CATSPERG: variants seen among roughly 807,000 people sequenced by gnomAD.
The protein encoded by CATSPERG is catsper channel auxiliary subunit gamma.
A neutral mutation model predicts 145.0 loss-of-function variants in CATSPERG; 115 were observed. That is an observed-to-expected ratio of 0.79 (90% CI 0.68 to 0.93). The LOEUF is 0.93. Among genes scored for constraint, CATSPERG ranks in the 40% least tolerant of loss-of-function variants. The pLI is 0.00. For synonymous variants in CATSPERG, 588 were observed against 589.0 expected (o/e 1.00, Z 0.02); for missense variants, 1,296 against 1,490.1 (o/e 0.87, Z 2.14).
rs199515254 is a variant in CATSPERG, at chr19:38,354,821, G to A, written c.1109G>A (p.Gly370Asp). The change falls in exon 9 of 29, where the codon GGT (glycine) becomes GAT (aspartate). Residue 370 changes from glycine (G) to aspartate (D), a missense_variant. Transcript: ENST00000409235. The part of the protein sequence containing the change: ...IMALTTGKHE[G>D]YVHFGTIRDG... ...GCCCTCACCACGGGCAAGCATGAGGGTTATGTACACTTCGGGACCATCAGA... is the reference window on the plus strand; with the variant it reads ...GCCCTCACCACGGGCAAGCATGAGGATTATGTACACTTCGGGACCATCAGA... 17 of 1,614,170 alleles carry A rather than the reference G, an allele frequency of 1.1e-5. No individual in the cohort carries two copies. Among genetic ancestry groups the A allele is most frequent in the East Asian group, 2.2e-5 (1 of 44,888 alleles).
In CATSPERG at chr19:38,344,856, G is replaced by GACACACAC. The variant is rs34101460; in HGVS notation, c.669+508_669+515dup. On this transcript the variant is annotated intron_variant, in intron 6 of 28. Transcript: ENST00000409235. ...ATATGTATATACCTGTACATGAACA[G>GACACACAC]ACACACACACACACACACACACACA... is the stretch of plus-strand genomic sequence containing the variant. 2.8e-3 allele frequency among the ~76,000 whole-genome samples: 261 copies of GACACACAC among 92,252 alleles called. 4 individuals carry two copies. The highest frequency in any genetic ancestry group is 5.0e-3 in the South Asian group (13 of 2,576). 60.5% of individuals were successfully genotyped at this position (92,252 alleles called of 152,430 possible). A position where few individuals can be genotyped will look rare whatever the true frequency, so the allele number is the denominator to read the frequency against.
intron 21 of CATSPERG, 38 bp from the exon 22 acceptor site, chr19:38,365,023 C>T (rs202157388): frequency 1.7e-5 from 28 of 1,613,726 alleles, no homozygotes; most frequent in African/African-American, 1.1e-4. Context: ...AAGCCTGGGC[C>T]GGCGGGGATC....
intron 6 of CATSPERG, 84 bp downstream of exon 6, chr19:38,344,452 C>A: frequency 8.2e-7 from 1 of 1,216,668 alleles, no homozygotes; most frequent in Non-Finnish European, 1.2e-6. Flanking sequence ...GCAGCAGATC[C>A]CATTTAGGGA....
intron 14 of CATSPERG, 165 bp from the exon 15 acceptor site, chr19:38,360,324 G>A (rs772135292): frequency 1.9e-5 from 19 of 985,256 alleles, no homozygotes; most frequent in East Asian, 2.3e-4. Flanking sequence ...AAGTAGAGCC[G>A]TGGCACCACA....
At chr19:38,360,454 C>A in intron 14 of CATSPERG, 35 bp from the exon 15 acceptor site, 1 of 1,612,210 alleles carries the variant, frequency 6.2e-7, no homozygotes, top group African/African-American at 1.3e-5. Flanking sequence ...ACCCCATGGT[C>A]CTGACACACA....
At chr19:38,363,710 T>C (rs1375854580) in intron 20 of CATSPERG, among the ~76,000 whole-genome samples, 2 of 151,888 alleles carry the variant, frequency 1.3e-5, no homozygotes, top group Non-Finnish European at 2.9e-5. Flanking sequence ...ACAAAGCACA[T>C]CTTGCACCGC....
At chr19:38,357,823 G>A (rs527577323) in intron 11 of CATSPERG, among the ~76,000 whole-genome samples, 1 of 152,264 alleles carries the variant, frequency 6.6e-6, no homozygotes, top group African/African-American at 2.4e-5. Flanking sequence ...ATGATGGTGG[G>A]TACCTATAAA....
intron 11 of CATSPERG, among the ~76,000 whole-genome samples, chr19:38,357,142 G>A (rs1231650241): frequency 6.6e-6 from 1 of 152,108 alleles, no homozygotes; most frequent in African/African-American, 2.4e-5. Context: ...CCAACCGAGG[G>A]GTCAGAGGAG....
chr19:38,344,141 G>T, intron 5 of CATSPERG, 22 bp downstream of exon 5: 1 of 1,551,372 alleles, frequency 6.4e-7, no homozygotes, highest in Non-Finnish European at 8.7e-7. Context: ...CAAGACGGGG[G>T]CTGGGGTGGA....
chr19:38,359,865 CCT>C (rs1970313796), intron 14 of CATSPERG: 1 of 1,149,892 alleles, frequency 8.7e-7, no homozygotes, highest in East Asian at 5.6e-5. Flanking sequence ...TTACTGTGTG[CCT>C]GCCCCCGTGC....
intron 11 of CATSPERG, 117 bp downstream of exon 11, chr19:38,356,978 G>C (rs766805044): frequency 3.7e-5 from 49 of 1,326,890 alleles, no homozygotes; most frequent in Non-Finnish European, 4.8e-5. Flanking sequence ...CATTACCTGT[G>C]TCACTCCTGG....
Position 38,358,478 on chromosome 19 carries a change from C to T in CATSPERG, c.1413C>T (p.Thr471=). Residue 471 remains threonine (T), a synonymous_variant, in exon 13 of 29, where the codon ACC becomes ACT. Transcript: ENST00000409235. ...FLMILGTESY[T]STAMAPKGIF... is the part of the protein sequence containing the mutation. ...TGATCCTAGGGACAGAGTCCTACAC[C>T]AGCACTGCAATGGCCCCCAAGGGCA... 2 of 1,614,172 alleles carry T rather than the reference C, an allele frequency of 1.2e-6. No homozygotes were observed. Among genetic ancestry groups the T allele is most frequent in the Non-Finnish European group, 1.7e-6 (2 of 1,180,024 alleles).
In CATSPERG at chr19:38,356,785, G is replaced by A. The variant is rs758552277; in HGVS notation, c.1239G>A (p.Glu413=). The stretch of plus-strand genomic sequence containing the variant: ...TTTGGTCTGAATACATCGCGGGTGA[G>A]TATACTCTACTGCTGCTGGTGGAGA... ...SIIWSEYIAG[E]YTLLLLVESG... Residue 413 remains glutamate (E), a synonymous_variant, in exon 11 of 29, where the codon GAG becomes GAA. Coordinates refer to ENST00000409235, the MANE Select transcript of CATSPERG (RefSeq NM_021185.5). 2 of 1,614,066 alleles carry A rather than the reference G, an allele frequency of 1.2e-6. No homozygotes were observed. The highest frequency in any genetic ancestry group is 4.5e-5 in the East Asian group (2 of 44,896).
chr19:38,367,295 G>A lies in CATSPERG; in HGVS notation c.2753G>A (p.Cys918Tyr). The A allele has an allele frequency of 6.2e-7, 1 of 1,612,516 alleles. No individual in the cohort carries two copies. Among genetic ancestry groups the A allele is most frequent in the Non-Finnish European group, 8.5e-7 (1 of 1,179,840 alleles). The change falls in exon 23 of 29, where the codon TGC (cysteine) becomes TAC (tyrosine). Residue 918 changes from cysteine (C) to tyrosine (Y), a missense_variant. Coordinates refer to ENST00000409235, the MANE Select transcript of CATSPERG (RefSeq NM_021185.5). Reference sequence around the variant, plus strand: ...GTTAACGTGAACCCGGAGATGCCCTGCTTTCTCTTCCGGGACAGTGTGTGT... The same window carrying A: ...GTTAACGTGAACCCGGAGATGCCCTACTTTCTCTTCCGGGACAGTGTGTGT... ...DCVNVNPEMP[C>Y]FLFRDIFYPF...
In CATSPERG at chr19:38,367,581, G is replaced by A. The variant is rs758715410; in HGVS notation, c.2834+9G>A. On this transcript the variant is annotated intron_variant, in intron 24 of 28. Coordinates refer to ENST00000409235, the MANE Select transcript of CATSPERG (RefSeq NM_021185.5). ...GGCAGTTTCCAGGGCAGGTAAAGGC[G>A]TGGCCAGCTTGCAGCTAGGGCAGGT... 1.8e-5 allele frequency: 29 copies of A among 1,613,812 alleles called. No homozygotes were observed. Among genetic ancestry groups the A allele is most frequent in the Middle Eastern group, 1.6e-4 (1 of 6,082 alleles).
Position 38,356,821 on chromosome 19 carries a change from T to C in CATSPERG, c.1275T>C (p.Gly425=), listed in dbSNP as rs749176186. The change falls in exon 11 of 29, where the codon GGT becomes GGC. Residue 425 remains glycine, a synonymous_variant. Coordinates refer to ENST00000409235, the MANE Select transcript of CATSPERG (RefSeq NM_021185.5). ...TGCTGCTGGTGGAGAGTGGATATGG[T>C]AATGCAAGTAAACGTTTCCAGGTGG... ...TLLLLVESGY[G]NASKRFQVVS... The C allele has an allele frequency of 2.5e-6, 4 of 1,614,060 alleles. No homozygotes were observed. The highest frequency in any genetic ancestry group is 2.5e-6 in the Non-Finnish European group (3 of 1,179,994).
Position 38,370,637 on chromosome 19 carries a change from A to G in CATSPERG, c.3325A>G (p.Ile1109Val), listed in dbSNP as rs1252430501. The change falls in exon 29 of 29, where the codon ATT becomes GTT. Residue 1109 changes from isoleucine (I) to valine (V), a missense_variant. Transcript: ENST00000409235. ...GATCCGGTGGAAGATAAACAACCTC[A>G]TTGCCTCAGAATCCTACTACACCTA... Reference protein sequence around the residue: ...TMIRWKINNLIASESYYTYAS... With the variant: ...TMIRWKINNLVASESYYTYAS... 6.2e-7 allele frequency: 1 copy of G among 1,613,994 alleles called. No individual in the cohort carries two copies. The highest frequency in any genetic ancestry group is 8.5e-7 in the Non-Finnish European group (1 of 1,180,030).
At chr19:38,344,236 C>T (rs1969987962) in intron 5 of CATSPERG, 60 bp from the exon 6 acceptor site, 9 of 1,537,486 alleles carry the variant, frequency 5.9e-6, no homozygotes, top group East Asian at 4.9e-5. Flanking sequence ...GAGGCAGCTA[C>T]GAGCTGTGGA....
chr19:38,367,340 A>G (rs977311846), intron 23 of CATSPERG, 28 bp downstream of exon 23: 2 of 1,602,398 alleles, frequency 1.2e-6, no homozygotes, highest in Non-Finnish European at 1.7e-6. Context: ...TCCCCTGCAC[A>G]GTTCACTGCC....
Sources: gnomAD v4.1 joint callset for allele counts (sites outside exome capture counted in the v4.1 genomes callset) on GRCh38, gnomAD v4.1.1 for gene constraint, MANE v1.5 for transcripts, NCBI Gene and HGNC (gene_info 2026-07-23, HGNC 2026-07-21) for gene names.